The following TDRD9 variants were observed in gnomAD, a reference collection of about 807,000 sequenced individuals.
The protein encoded by TDRD9 is tudor domain containing 9.
In TDRD9, 124 loss-of-function variants were observed where a neutral mutation model predicts 172.6. The observed-to-expected ratio is 0.72, with a 90% CI of 0.62 to 0.83. The LOEUF is 0.83. Ranked by LOEUF, TDRD9 falls within the 40% of genes least tolerant of loss-of-function variation. TDRD9 has a pLI of 0.00. For synonymous variants in TDRD9, 619 were observed against 617.1 expected (o/e 1.00, Z -0.05); for missense variants, 1,479 against 1,714.1 (o/e 0.86, Z 2.42).
intron 32 of TDRD9, among the ~76,000 whole-genome samples, chr14:104,035,438 C>A (rs1055151696): frequency 8.5e-5 from 13 of 152,182 alleles, no homozygotes; most frequent in African/African-American, 3.1e-4. Context: ...CGTCAGTCCC[C>A]CTTCTTGTGG....
chr14:103,999,135 C>T (rs2034166797), intron 13 of TDRD9, among the ~76,000 whole-genome samples: 1 of 152,162 alleles, frequency 6.6e-6, no homozygotes, highest in South Asian at 2.1e-4. Flanking sequence ...GCACTTTTTA[C>T]TTAGATATTT....
At chr14:104,035,187 G>A (rs1013737779) in intron 32 of TDRD9, 131 bp downstream of exon 32, 50 of 656,138 alleles carry the variant, frequency 7.6e-5, no homozygotes, top group African/African-American at 7.5e-4. Context: ...TCGCTGCTTG[G>A]GGTGAAGCCT....
intron 20 of TDRD9, among the ~76,000 whole-genome samples, chr14:104,010,311 AT>A (rs1269476655): frequency 6.6e-6 from 1 of 151,886 alleles, no homozygotes; most frequent in Non-Finnish European, 1.5e-5. Context: ...GACTGGTTTT[AT>A]CTATTTTAAA....
intron 12 of TDRD9, 42 bp from the exon 13 acceptor site, chr14:103,998,582 C>G (rs562849397): frequency 2.3e-5 from 24 of 1,038,208 alleles, no homozygotes; most frequent in Admixed American, 1.6e-4. Context: ...GCAATGATCT[C>G]TTATTAGCAT....
At chr14:103,937,278 A>G (rs990451949) in intron 1 of TDRD9, among the ~76,000 whole-genome samples, 2 of 152,136 alleles carry the variant, frequency 1.3e-5, no homozygotes, top group African/African-American at 4.8e-5. Context: ...TGCTCTGGTC[A>G]CATTGGCATT....
At chr14:104,047,842 C>G (rs79028212) in intron 34 of TDRD9, among the ~76,000 whole-genome samples, 7,304 of 152,250 alleles carry the variant, frequency 0.048, 252 homozygotes, top group East Asian at 0.069. Context: ...CTTTTCAGCT[C>G]TAGGATTTCT....
At position 104,007,692 on chromosome 14, in the gene TDRD9, A is replaced by G. The variant is rs140863546; in HGVS notation, c.2052+488A>G. Among the ~76,000 whole-genome samples, 343 of 151,160 alleles carry G rather than the reference A, an allele frequency of 2.3e-3. 2 individuals carry two copies. Among genetic ancestry groups the G allele is most frequent in the African/African-American group, 8.0e-3 (328 of 41,140 alleles). On this transcript the variant is annotated intron_variant, in intron 19 of 35. Transcript: ENST00000409874. The stretch of plus-strand genomic sequence containing the variant: ...TTCTTCTAAACTTATTTGGTTCAAC[A>G]GACTGTTTACAGGTCTGCCGTTTCT...
At chr14:103,999,626 TTTTG>T (rs1464702804) in intron 13 of TDRD9, among the ~76,000 whole-genome samples, 9 of 150,308 alleles carry the variant, frequency 6.0e-5, no homozygotes, top group African/African-American at 2.2e-4. Context: ...TGGCTTTTTT[TTTTG>T]TTTGTTTTTT....
chr14:104,035,154 A>G, intron 32 of TDRD9, 98 bp downstream of exon 32: 1 of 918,022 alleles, frequency 1.1e-6, no homozygotes, highest in Non-Finnish European at 1.7e-6. Flanking sequence ...GAAAGCCTTT[A>G]TGGAAGCTAG....
intron 1 of TDRD9, among the ~76,000 whole-genome samples, chr14:103,953,687 G>T (rs150338303): frequency 6.6e-6 from 1 of 152,326 alleles, no homozygotes; most frequent in East Asian, 1.9e-4. Flanking sequence ...CAAAGCCTGA[G>T]AACCTGGGAT....
Position 103,963,163 on chromosome 14 carries a change from G to A in TDRD9, c.407G>A (p.Arg136Gln), listed in dbSNP as rs767330991. 13 of 1,546,848 alleles carry A rather than the reference G, an allele frequency of 8.4e-6. No individual in the cohort carries two copies. Among genetic ancestry groups the A allele is most frequent in the Admixed American group, 2.0e-5 (1 of 50,440 alleles). ...AAATATCCTGATTTGCCTATAAGTC[G>A]ATACAAGGAAGAGGTAAAATTGTTT... ...TYKYPDLPIS[R>Q]YKEEVVSLIE... Residue 136 changes from arginine to glutamine, a missense_variant, in exon 3 of 36, where the codon CGA becomes CAA. Physicochemically the swap from Arg to Gln is conservative, Grantham distance 43. Around this residue, in one of 3 missense-constraint regions of TDRD9, gnomAD observed 1,413 missense variants for 1,649.1 expected, o/e 0.86. Transcript: ENST00000409874.
Position 103,955,682 on chromosome 14 carries a change from C to T in TDRD9, c.234C>T (p.Ser78=), listed in dbSNP as rs2032157161. 1 of 1,550,862 alleles carries T rather than the reference C, an allele frequency of 6.4e-7. No homozygotes were observed. The highest frequency in any genetic ancestry group is 8.7e-7 in the Non-Finnish European group (1 of 1,146,646). ...TTTTCAGGTCACTCAGCCAAAGGAG[C>T]TCAGAAGTAGAGTATATTAACAAAT... ...AAFERSLSQR[S]SEVEYINKYR... is the part of the protein sequence containing the mutation. Residue 78 remains serine, a synonymous_variant, in exon 2 of 36, where the codon AGC becomes AGT. Coordinates refer to ENST00000409874, the MANE Select transcript of TDRD9 (RefSeq NM_153046.3).
At chr14:104,024,301 C>A (rs1396750277) in intron 24 of TDRD9, among the ~76,000 whole-genome samples, 1 of 152,132 alleles carries the variant, frequency 6.6e-6, no homozygotes, top group Admixed American at 6.5e-5. Context: ...TAGATATTCT[C>A]TGAGAGTCTT....
At chr14:103,998,382 C>T (rs964673159) in intron 12 of TDRD9, among the ~76,000 whole-genome samples, 1 of 152,036 alleles carries the variant, frequency 6.6e-6, no homozygotes, top group Non-Finnish European at 1.5e-5. Context: ...TTTTATGACA[C>T]GTTGGGTCTT....
intron 5 of TDRD9, among the ~76,000 whole-genome samples, chr14:103,968,493 TA>T: frequency 6.6e-6 from 1 of 152,210 alleles, no homozygotes; most frequent in African/African-American, 2.4e-5. Flanking sequence ...CTCTTAAGGA[TA>T]AAGTAGCTTG....
chr14:104,022,289 G>C lies in TDRD9; in HGVS notation c.2565G>C (p.Gly855=). Residue 855 remains glycine (G), a synonymous_variant, in exon 24 of 36, where the codon GGG becomes GGC. Coordinates refer to ENST00000409874, the MANE Select transcript of TDRD9 (RefSeq NM_153046.3). ...LSVHSAEEIE[G]KVQGMNVSKL... The stretch of plus-strand genomic sequence containing the variant: ...TTCATTCTGCAGAGGAAATTGAAGG[G>C]AAGGTGCAAGGCATGAACGTCTCAA... The C allele has an allele frequency of 6.2e-7, 1 of 1,613,852 alleles. No individual in the cohort carries two copies. Among genetic ancestry groups the C allele is most frequent in the Non-Finnish European group, 8.5e-7 (1 of 1,179,844 alleles).
chr14:103,998,574 A>G (rs2034139976), intron 12 of TDRD9, 50 bp from the exon 13 acceptor site: 3 of 973,676 alleles, frequency 3.1e-6, no homozygotes, highest in African/African-American at 1.6e-5. Context: ...TTTATTATGC[A>G]ATGATCTCTT....
At chr14:104,023,024 A>C (rs542947396) in intron 24 of TDRD9, among the ~76,000 whole-genome samples, 23 of 151,972 alleles carry the variant, frequency 1.5e-4, no homozygotes, top group Admixed American at 5.9e-4. Flanking sequence ...TACCAAAAAT[A>C]CAAAAAAATT....
Position 103,965,407 on chromosome 14 carries a change from C to T in TDRD9, c.495C>T (p.Leu165=). Residue 165 remains leucine, a synonymous_variant, in exon 4 of 36, where the codon CTC becomes CTT. Transcript: ENST00000409874. ...CGGGAAGCGGTAAAAGCACTCAGCTCCCGCAGTATATCTTGGACCACTACG... is the reference window on the plus strand; with the variant it reads ...CGGGAAGCGGTAAAAGCACTCAGCTTCCGCAGTATATCTTGGACCACTACG... ...GATGSGKSTQ[L]PQYILDHYVQ... is the part of the protein sequence containing the mutation. The T allele has an allele frequency of 6.4e-7, 1 of 1,551,652 alleles. No individual in the cohort carries two copies. The highest frequency in any genetic ancestry group is 1.2e-5 in the South Asian group (1 of 84,058).
Sources: allele counts gnomAD v4.1 joint callset (sites outside exome capture counted in the v4.1 genomes callset), GRCh38; gene constraint gnomAD v4.1.1; regional missense constraint gnomAD v4.1.1; transcripts MANE v1.5; gene names NCBI Gene and HGNC (gene_info 2026-07-23, HGNC 2026-07-21).